VWCE: variants seen among roughly 807,000 people sequenced by gnomAD.
VWCE encodes von Willebrand factor C and EGF domain-containing protein.
Under a neutral mutation model 102.9 loss-of-function variants are expected in VWCE, and 68 were observed. The observed-to-expected ratio is 0.66, with a 90% CI of 0.54 to 0.81. The LOEUF (loss-of-function observed/expected upper bound fraction) is 0.81. VWCE is among the 30% of genes least tolerant of loss of function. The pLI is 0.00. For missense variants in VWCE, 1,137 were observed against 1,263.6 expected, an observed-to-expected ratio of 0.90 and a Z score of 1.52; for synonymous variants, 497 against 515.4, an observed-to-expected ratio of 0.96 and a Z score of 0.48.
intron 10 of VWCE, among the ~76,000 whole-genome samples, chr11:61,277,118 GAA>G (rs1250229369): frequency 1.5e-5 from 2 of 131,564 alleles, no homozygotes; most frequent in East Asian, 2.4e-4. Flanking sequence ...GAGAGAGAAA[GAA>G]AGAGAGAGAA....
intron 9 of VWCE, among the ~76,000 whole-genome samples, chr11:61,279,511 G>A (rs1280812231): frequency 5.3e-5 from 8 of 150,442 alleles, no homozygotes; most frequent in African/African-American, 1.2e-4. Flanking sequence ...GCAGTGAGCC[G>A]AGATCACACC....
At chr11:61,271,613 C>A in intron 14 of VWCE, 62 bp downstream of exon 14, 1 of 1,521,872 alleles carries the variant, frequency 6.6e-7, no homozygotes, top group South Asian at 1.2e-5. Flanking sequence ...GGACGCTTGT[C>A]TCCTCTGGGT....
At chr11:61,271,463 A>T (rs1854695341) in intron 14 of VWCE, 1 of 486,468 alleles carries the variant, frequency 2.1e-6, no homozygotes, top group African/African-American at 2.0e-5. Context: ...ACACTTCTTA[A>T]GGCCAACTGC....
At position 61,259,253 on chromosome 11, in the gene VWCE, T is replaced by C; in HGVS notation, c.2290A>G (p.Ser764Gly). The change falls in exon 20 of 20, where the codon AGC becomes GGC. Residue 764 changes from serine to glycine, a missense_variant. By Grantham distance (56) the Ser-to-Gly change is moderately conservative. This residue lies in a region of VWCE where 316 missense variants were observed against 319.3 expected (regional missense o/e 0.99). Coordinates refer to ENST00000335613, the MANE Select transcript of VWCE (RefSeq NM_152718.2). ...GLSPHGNVAF[S>G]KAGRSLHGDT... ...CCATGCAGGCTCCGACCAGCTTTGCTGAATGCCACATTTCCGTGAGGGGAG... is the reference window on the plus strand; with the variant it reads ...CCATGCAGGCTCCGACCAGCTTTGCCGAATGCCACATTTCCGTGAGGGGAG... 2 of 1,610,760 alleles carry C rather than the reference T, an allele frequency of 1.2e-6. No individual in the cohort carries two copies. Among genetic ancestry groups the C allele is most frequent in the Admixed American group, 1.7e-5 (1 of 59,714 alleles).
At chr11:61,271,570 CGGCCAGCCTGA>C in intron 14 of VWCE, 94 bp downstream of exon 14, 1 of 1,098,790 alleles carries the variant, frequency 9.1e-7, no homozygotes, top group Non-Finnish European at 1.3e-6. Flanking sequence ...AGGGAGACTG[CGGCCAGCCTGA>C]GGCCAGCCTC....
intron 15 of VWCE, 31 bp downstream of exon 15, chr11:61,268,891 C>G (rs746369382): frequency 6.2e-7 from 1 of 1,611,518 alleles, no homozygotes; most frequent in Non-Finnish European, 8.5e-7. Context: ...ATGCCCTGCC[C>G]TGGGGGCTTG....
chr11:61,280,245 G>C (rs1342226784), intron 9 of VWCE, among the ~76,000 whole-genome samples: 5 of 152,232 alleles, frequency 3.3e-5, no homozygotes, highest in Middle Eastern at 3.4e-3. Context: ...AGGAGAAGGG[G>C]ACTGCACAGT....
chr11:61,262,105 C>T (rs1854377374), intron 19 of VWCE, among the ~76,000 whole-genome samples: 1 of 152,102 alleles, frequency 6.6e-6, no homozygotes, highest in Non-Finnish European at 1.5e-5. Context: ...AGGTGTGCAC[C>T]AACATGCCCG....
intron 6 of VWCE, 45 bp from the exon 7 acceptor site, chr11:61,281,959 G>A (rs1302131279): frequency 6.3e-6 from 10 of 1,588,232 alleles, no homozygotes; most frequent in Admixed American, 5.1e-5. Context: ...TTTGGGCTAC[G>A]GAGCCCTTCT....
chr11:61,261,644 T>C (rs1441285639), intron 19 of VWCE, among the ~76,000 whole-genome samples: 1 of 147,998 alleles, frequency 6.8e-6, no homozygotes, highest in Non-Finnish European at 1.5e-5. Context: ...AAAACAAAAA[T>C]AGAAACAAAA....
intron 5 of VWCE, among the ~76,000 whole-genome samples, chr11:61,284,049 G>T (rs2134827725): frequency 6.6e-6 from 1 of 152,288 alleles, no homozygotes; most frequent in East Asian, 1.9e-4. Flanking sequence ...AGGGGAACAA[G>T]CAAAGGAATG....
At chr11:61,264,716 C>T (rs1419784589) in intron 18 of VWCE, 139 bp from the exon 19 acceptor site, 1 of 1,020,206 alleles carries the variant, frequency 9.8e-7, no homozygotes, top group African/African-American at 1.6e-5. Flanking sequence ...TGAGCCCTCG[C>T]CTGGAGAACA....
intron 19 of VWCE, among the ~76,000 whole-genome samples, chr11:61,264,163 T>A (rs1427195992): frequency 1.4e-5 from 2 of 142,722 alleles, no homozygotes; most frequent in African/African-American, 5.5e-5. Flanking sequence ...GAGGCGGAGC[T>A]TGCAGTGAGG....
chr11:61,293,872 G>A (rs1301870022), intron 1 of VWCE, among the ~76,000 whole-genome samples: 1 of 152,180 alleles, frequency 6.6e-6, no homozygotes, highest in Non-Finnish European at 1.5e-5. Flanking sequence ...CCTCTCTGAG[G>A]TCATCACAGA....
At position 61,265,165 on chromosome 11, in the gene VWCE, G is replaced by C; in HGVS notation, c.2013C>G (p.Thr671=). 6.4e-7 allele frequency: 1 copy of C among 1,552,842 alleles called. No individual in the cohort carries two copies. Among genetic ancestry groups the C allele is most frequent in the Admixed American group, 1.9e-5 (1 of 51,466 alleles). Residue 671 remains threonine, a synonymous_variant, in exon 17 of 20, where the codon ACC becomes ACG. Transcript: ENST00000335613. ...ACTCCCCGTCAGGGTGGAAAGGGTA[G>C]GTACAGGTGATGGGGCAGTCCACGG... ...CSPVDCPITC[T]YPFHPDGECC... is the part of the protein sequence containing the mutation.
At chr11:61,286,835 C>T (rs1486105872) in intron 4 of VWCE, among the ~76,000 whole-genome samples, 2 of 151,580 alleles carry the variant, frequency 1.3e-5, no homozygotes, top group African/African-American at 2.4e-5. Flanking sequence ...CGGTGGCTCA[C>T]GCCTGTAATC....
chr11:61,264,962 C>A lies in VWCE; in HGVS notation c.2133G>T (p.Thr711=), dbSNP rs151252477. ...GTTCCCAGGCCCAGCTCACCTGGCA[C>A]GTGCACCGGGTGCAGGGTTCATCAT... is the stretch of plus-strand genomic sequence containing the variant. ...TLDDEPCTRC[T]CQLGEVSCEK... The change falls in exon 18 of 20, where the codon ACG becomes ACT. Residue 711 remains threonine, a synonymous_variant. Transcript: ENST00000335613. The A allele has an allele frequency of 6.2e-6, 10 of 1,613,680 alleles. No individual in the cohort carries two copies. The highest frequency in any genetic ancestry group is 8.5e-6 in the Non-Finnish European group (10 of 1,180,052).
intron 16 of VWCE, among the ~76,000 whole-genome samples, chr11:61,266,054 A>T (rs146880546): frequency 0.013 from 1,952 of 151,902 alleles, 28 homozygotes; most frequent in Middle Eastern, 0.024. Context: ...CAAAAAAAAA[A>T]AAATAAAATA....
rs541377954 is a variant in VWCE, at chr11:61,280,940, C to A, written c.1083G>T (p.Gln361His). 1.3e-6 allele frequency: 2 copies of A among 1,531,378 alleles called. No homozygotes were observed. The highest frequency in any genetic ancestry group is 4.5e-5 in the East Asian group (2 of 44,096). 94.9% of individuals were successfully genotyped at this position (1,531,378 alleles called of 1,614,324 possible). A position where few individuals can be genotyped will look rare whatever the true frequency, so the allele number is the denominator to read the frequency against. Reference sequence around the variant, plus strand: ...AGGAAGGGGTCCCCATCACCTCCCCCTGAAGGAGTGAGGGGGGTCTGAGGT... The same window carrying A: ...AGGAAGGGGTCCCCATCACCTCCCCATGAAGGAGTGAGGGGGGTCTGAGGT... ...LGNLRPPSLLQGEVMGTPSSP... is the reference protein window; with the variant it reads ...LGNLRPPSLLHGEVMGTPSSP... Residue 361 changes from glutamine to histidine, a missense_variant, in exon 8 of 20, where the codon CAG (glutamine) becomes CAT (histidine). Physicochemically the swap from Gln to His is conservative, Grantham distance 24. This residue lies in a region of VWCE where 575 missense variants were observed against 625.9 expected (regional missense o/e 0.92). Coordinates refer to ENST00000335613, the MANE Select transcript of VWCE (RefSeq NM_152718.2).
Sources: allele counts gnomAD v4.1 joint callset (sites outside exome capture counted in the v4.1 genomes callset), GRCh38; gene constraint gnomAD v4.1.1; regional missense constraint gnomAD v4.1.1; transcripts MANE v1.5; gene names NCBI Gene and HGNC (gene_info 2026-07-23, HGNC 2026-07-21).